GRID1: variants seen among roughly 807,000 people sequenced by gnomAD.
GRID1 encodes glutamate ionotropic receptor delta type subunit 1, also known as glutamate receptor ionotropic, delta-1.
A neutral mutation model predicts 98.0 loss-of-function variants in GRID1; 28 were observed. The observed-to-expected ratio is 0.29, with a 90% CI of 0.21 to 0.39. GRID1 has a LOEUF of 0.39. Among genes scored for constraint, GRID1 ranks in the 10% least tolerant of loss-of-function variants. GRID1 has a pLI of 1.00. For synonymous variants in GRID1, 553 were observed against 538.5 expected (o/e 1.03, Z -0.37); for missense variants, 1,111 against 1,340.5 (o/e 0.83, Z 2.67).
chr10:86,140,971 A>G (rs1845002682), intron 3 of GRID1, among the ~76,000 whole-genome samples: 1 of 152,072 alleles, frequency 6.6e-6, no homozygotes, highest in Non-Finnish European at 1.5e-5. Context: ...ATGATCACCC[A>G]ACCATGACCT....
chr10:85,963,734 G>T (rs148312913), intron 4 of GRID1, among the ~76,000 whole-genome samples: 3 of 152,234 alleles, frequency 2.0e-5, no homozygotes, highest in Non-Finnish European at 4.4e-5. Flanking sequence ...CTTCACCCTG[G>T]TCATCCTTCT....
chr10:85,770,700 C>A (rs558951430), intron 8 of GRID1, among the ~76,000 whole-genome samples: 7 of 151,946 alleles, frequency 4.6e-5, no homozygotes, highest in Non-Finnish European at 7.4e-5. Context: ...GGAGCCGATG[C>A]GATCAACTAG....
intron 4 of GRID1, among the ~76,000 whole-genome samples, chr10:86,008,065 T>C (rs1842884788): frequency 6.6e-6 from 1 of 152,128 alleles, no homozygotes; most frequent in Non-Finnish European, 1.5e-5. Context: ...TAAGACTGTA[T>C]ATAAATACAG....
At chr10:85,735,538 G>A (rs1251644643) in intron 8 of GRID1, among the ~76,000 whole-genome samples, 1 of 152,138 alleles carries the variant, frequency 6.6e-6, no homozygotes, top group Non-Finnish European at 1.5e-5. Flanking sequence ...GTTGTAAGAT[G>A]TGGGCATTTG....
chr10:86,246,496 G>T (rs891706887), intron 2 of GRID1, among the ~76,000 whole-genome samples: 2 of 152,148 alleles, frequency 1.3e-5, no homozygotes, highest in African/African-American at 4.8e-5. Flanking sequence ...CCGCACCTGG[G>T]CCAGCTCACA....
chr10:85,982,329 TA>T (rs371257083), intron 4 of GRID1, among the ~76,000 whole-genome samples: 2,728 of 151,820 alleles, frequency 0.018, 42 homozygotes, highest in African/African-American at 0.04. Flanking sequence ...ACTTTTATAT[TA>T]AAAAAAAACT....
At chr10:85,694,262 T>C (rs1366223188) in intron 12 of GRID1, among the ~76,000 whole-genome samples, 2 of 151,798 alleles carry the variant, frequency 1.3e-5, no homozygotes, top group Non-Finnish European at 2.9e-5. Context: ...ATTACTAAAA[T>C]GACAAATGTA....
intron 5 of GRID1, among the ~76,000 whole-genome samples, chr10:85,884,112 T>A (rs1841078056): frequency 6.6e-6 from 1 of 152,236 alleles, no homozygotes; most frequent in Non-Finnish European, 1.5e-5. Context: ...TGGGAGTTCC[T>A]ATTACCACTT....
intron 12 of GRID1, among the ~76,000 whole-genome samples, chr10:85,675,907 A>T (rs1841139757): frequency 1.3e-5 from 2 of 152,074 alleles, no homozygotes; most frequent in African/African-American, 4.8e-5. Context: ...GAGGGCTGGG[A>T]CCTGCATGTG....
intron 15 of GRID1, among the ~76,000 whole-genome samples, chr10:85,612,518 T>C (rs1842745535): frequency 6.6e-6 from 1 of 152,032 alleles, no homozygotes; most frequent in African/African-American, 2.4e-5. Flanking sequence ...CACTTCCTGT[T>C]TGAGGTTTAT....
At chr10:86,308,048 C>A (rs1847783129) in intron 2 of GRID1, among the ~76,000 whole-genome samples, 1 of 152,066 alleles carries the variant, frequency 6.6e-6, no homozygotes, top group South Asian at 2.1e-4. Context: ...GAACAACAGC[C>A]CCCTACATCC....
intron 3 of GRID1, among the ~76,000 whole-genome samples, chr10:86,185,067 T>G (rs976432066): frequency 6.6e-6 from 1 of 152,062 alleles, no homozygotes; most frequent in Non-Finnish European, 1.5e-5. Flanking sequence ...ATAGATTAAT[T>G]TGGGGAGAAC....
At chr10:85,655,452 A>C (rs986523873) in intron 12 of GRID1, among the ~76,000 whole-genome samples, 4 of 152,202 alleles carry the variant, frequency 2.6e-5, no homozygotes, top group Admixed American at 2.6e-4. Context: ...AGTCTGACAG[A>C]CATTAGGAGC....
At chr10:85,804,272 G>GA (rs1208967720) in intron 8 of GRID1, among the ~76,000 whole-genome samples, 2 of 151,020 alleles carry the variant, frequency 1.3e-5, no homozygotes, top group African/African-American at 4.9e-5. Flanking sequence ...CAATGAATTT[G>GA]AAAAAATAAA....
chr10:85,904,668 G>GA (rs1316979321), intron 5 of GRID1, among the ~76,000 whole-genome samples: 3 of 149,602 alleles, frequency 2.0e-5, no homozygotes, highest in Admixed American at 6.6e-5. Context: ...AAGATTTAAC[G>GA]AAAAAACTCA....
At chr10:85,820,955 T>C (rs1842764377) in intron 8 of GRID1, among the ~76,000 whole-genome samples, 1 of 152,112 alleles carries the variant, frequency 6.6e-6, no homozygotes, top group Admixed American at 6.5e-5. Context: ...CATGAAGACA[T>C]TTTTTACACA....
intron 2 of GRID1, among the ~76,000 whole-genome samples, chr10:86,286,223 T>C (rs1847429107): frequency 1.3e-5 from 2 of 151,514 alleles, no homozygotes; most frequent in African/African-American, 4.9e-5. Flanking sequence ...GATCATCTTG[T>C]TCCTCACCAC....
chr10:86,328,058 A>C (rs1015481879), intron 2 of GRID1, among the ~76,000 whole-genome samples: 6 of 152,194 alleles, frequency 3.9e-5, no homozygotes, highest in Non-Finnish European at 1.5e-5. Context: ...ATGTCATGAA[A>C]CTCTGTTTGA....
intron 2 of GRID1, among the ~76,000 whole-genome samples, chr10:86,225,410 C>T (rs753973961): frequency 3.3e-5 from 5 of 152,202 alleles, no homozygotes; most frequent in Non-Finnish European, 5.9e-5. Flanking sequence ...CTGAGAATTA[C>T]GAATATTTAT....
Sources: allele counts gnomAD v4.1 joint callset (sites outside exome capture counted in the v4.1 genomes callset), GRCh38; gene constraint gnomAD v4.1.1; transcripts MANE v1.5; gene names NCBI Gene and HGNC (gene_info 2026-07-23, HGNC 2026-07-21).